NFATC3: variants seen among roughly 807,000 people sequenced by gnomAD.
The protein encoded by NFATC3 is nuclear factor of activated T cells 3.
A neutral mutation model predicts 98.6 loss-of-function variants in NFATC3; 46 were observed. The ratio of observed to expected loss-of-function variants is 0.47; its 90% CI spans 0.37 to 0.60. The LOEUF is 0.60. Among genes scored for constraint, NFATC3 ranks in the 20% least tolerant of loss-of-function variants. NFATC3 has a pLI of 0.00. For missense variants in NFATC3, 1,256 were observed against 1,295.5 expected (o/e 0.97, Z 0.47); for synonymous variants, 512 against 472.2 (o/e 1.08, Z -1.09).
intron 1 of NFATC3, among the ~76,000 whole-genome samples, chr16:68,096,241 C>T (rs1283193287): frequency 6.6e-6 from 1 of 152,240 alleles, no homozygotes; most frequent in Non-Finnish European, 1.5e-5. Flanking sequence ...ACTGGGATTA[C>T]AGGTGTGAGC....
chr16:68,174,560 G>GTAAA (rs1481096985), intron 6 of NFATC3, 46 bp downstream of exon 6: 1 of 1,395,104 alleles, frequency 7.2e-7, no homozygotes, highest in Non-Finnish European at 9.4e-7. Context: ...GGGGCAAAGG[G>GTAAA]TAAAATAAAT....
intron 9 of NFATC3, among the ~76,000 whole-genome samples, chr16:68,203,953 C>T (rs1158460360): frequency 2.0e-5 from 3 of 151,980 alleles, no homozygotes; most frequent in South Asian, 2.1e-4. Context: ...TTTGGGAGGT[C>T]GAGGCAGGCG....
chr16:68,160,431 C>T (rs2038837642), intron 4 of NFATC3, among the ~76,000 whole-genome samples: 1 of 152,034 alleles, frequency 6.6e-6, no homozygotes, highest in South Asian at 2.1e-4. Flanking sequence ...CGCCATTGCA[C>T]TCCAGCCTGG....
intron 3 of NFATC3, among the ~76,000 whole-genome samples, chr16:68,133,475 A>G (rs147280671): frequency 6.6e-6 from 1 of 152,312 alleles, no homozygotes; most frequent in African/African-American, 2.4e-5. Context: ...TACAAACCTT[A>G]AGTTGTACAA....
At chr16:68,183,438 A>G (rs1471472621) in intron 8 of NFATC3, 72 bp downstream of exon 8, 56 of 1,537,948 alleles carry the variant, frequency 3.6e-5, no homozygotes, top group Non-Finnish European at 4.2e-5. Flanking sequence ...AACGAATCCT[A>G]TATTACAGTG....
intron 9 of NFATC3, among the ~76,000 whole-genome samples, chr16:68,214,741 A>G (rs2041565699): frequency 6.6e-6 from 1 of 152,152 alleles, no homozygotes; most frequent in Admixed American, 6.5e-5. Flanking sequence ...TTGCTCAGTA[A>G]ATTTGGTTGC....
intron 3 of NFATC3, among the ~76,000 whole-genome samples, chr16:68,136,623 C>T (rs180776566): frequency 4.7e-4 from 72 of 152,302 alleles, no homozygotes; most frequent in Middle Eastern, 3.4e-3. Context: ...AAAGCAAGTA[C>T]AGTCATATGT....
chr16:68,209,840 CACACACACAG>C, intron 9 of NFATC3: 1 of 353,028 alleles, frequency 2.8e-6, no homozygotes, highest in Non-Finnish European at 5.5e-6. Flanking sequence ...TGCCCCCCAA[CACACACACAG>C]ACACACACAC....
intron 1 of NFATC3, among the ~76,000 whole-genome samples, chr16:68,094,132 G>T (rs1430322281): frequency 6.6e-6 from 1 of 152,046 alleles, no homozygotes; most frequent in Non-Finnish European, 1.5e-5. Flanking sequence ...TTTTCTCTTT[G>T]CTGCTTTGTG....
intron 9 of NFATC3, chr16:68,217,950 A>G (rs1049933622): frequency 2.5e-5 from 31 of 1,220,668 alleles, no homozygotes; most frequent in Non-Finnish European, 3.2e-5. Context: ...ATTACTGTGG[A>G]AGAATGAATT....
intron 3 of NFATC3, among the ~76,000 whole-genome samples, chr16:68,139,089 A>T (rs933743707): frequency 6.6e-6 from 1 of 152,240 alleles, no homozygotes; most frequent in Non-Finnish European, 1.5e-5. Flanking sequence ...TCCAGTCCTC[A>T]AGGGCCTTTC....
intron 9 of NFATC3, among the ~76,000 whole-genome samples, chr16:68,202,610 G>T (rs1164005158): frequency 6.6e-6 from 1 of 152,126 alleles, no homozygotes; most frequent in Admixed American, 6.5e-5. Flanking sequence ...TCAAGAGTTT[G>T]AGACCAGCCT....
At chr16:68,154,443 G>A (rs995356284) in intron 3 of NFATC3, among the ~76,000 whole-genome samples, 8 of 152,112 alleles carry the variant, frequency 5.3e-5, no homozygotes, top group Admixed American at 5.2e-4. Context: ...AAGTGCCTCA[G>A]CCCTCTTAAC....
intron 9 of NFATC3, among the ~76,000 whole-genome samples, chr16:68,202,834 A>G (rs983384879): frequency 1.3e-5 from 2 of 149,942 alleles, no homozygotes; most frequent in African/African-American, 5.0e-5. Context: ...ATAAATAATA[A>G]AAAAAAATAA....
intron 9 of NFATC3, chr16:68,192,332 T>TATATAGAGAGAG (rs1249886948): frequency 1.5e-5 from 2 of 134,478 alleles, no homozygotes; most frequent in African/African-American, 5.6e-5. Context: ...TATATATATA[T>TATATAGAGAGAG]AGAGAGAGAG....
At chr16:68,184,986 TA>T (rs1375534093) in intron 8 of NFATC3, among the ~76,000 whole-genome samples, 5 of 151,800 alleles carry the variant, frequency 3.3e-5, no homozygotes, top group African/African-American at 9.7e-5. Flanking sequence ...TTTATTTATT[TA>T]TTTTTTTTTT....
chr16:68,120,579 A>G (rs2036519645), intron 1 of NFATC3, among the ~76,000 whole-genome samples: 1 of 151,358 alleles, frequency 6.6e-6, no homozygotes, highest in Admixed American at 6.6e-5. Flanking sequence ...TCAGAAAAAA[A>G]AAAAAAAAAA....
Position 68,123,034 on chromosome 16 carries a change from A to G in NFATC3, c.1151A>G (p.Lys384Arg), listed in dbSNP as rs1197322581. 1.2e-6 allele frequency: 2 copies of G among 1,613,540 alleles called. No homozygotes were observed. Among genetic ancestry groups the G allele is most frequent in the South Asian group, 2.2e-5 (2 of 91,086 alleles). Residue 384 changes from lysine to arginine, a missense_variant, in exon 2 of 10, where the codon AAG becomes AGG. Transcript: ENST00000346183. The part of the protein sequence containing the change: ...DDGLGSQYPL[K>R]KDSCGDQFLS... ...GGCCTTGGATCTCAGTATCCTTTAA[A>G]GAAAGATTCATGTGGTGATCAGTTT...
intron 1 of NFATC3, among the ~76,000 whole-genome samples, chr16:68,106,159 C>T (rs996344686): frequency 2.2e-4 from 34 of 152,184 alleles, no homozygotes; most frequent in Middle Eastern, 3.4e-3. Context: ...TGTGAGCCGC[C>T]GCACCCGATC....
Sources: allele counts gnomAD v4.1 joint callset (sites outside exome capture counted in the v4.1 genomes callset), GRCh38; gene constraint gnomAD v4.1.1; transcripts MANE v1.5; gene names NCBI Gene and HGNC (gene_info 2026-07-23, HGNC 2026-07-21).